Variants in EEF2K observed in about 807,000 individuals in gnomAD.
The protein encoded by EEF2K is eukaryotic elongation factor 2 kinase, also known as alternative protein EEF2K.
EEF2K carries 70 observed loss-of-function variants against 93.8 expected under a neutral mutation model. The ratio of observed to expected loss-of-function variants is 0.75; its 90% CI spans 0.62 to 0.91. The LOEUF (loss-of-function observed/expected upper bound fraction) is 0.91. Ranked by LOEUF, EEF2K falls within the 40% of genes least tolerant of loss-of-function variation. The pLI is 0.00. For missense variants in EEF2K, 935 were observed against 972.9 expected (o/e 0.96, Z 0.52); for synonymous variants, 376 against 380.8 (o/e 0.99, Z 0.15).
chr16:22,209,083 C>T (rs1419089203), intron 1 of EEF2K, among the ~76,000 whole-genome samples: 1 of 152,176 alleles, frequency 6.6e-6, no homozygotes, highest in Non-Finnish European at 1.5e-5. Context: ...GGCTGGAGTG[C>T]AGTAGTGTGA....
intron 11 of EEF2K, 114 bp downstream of exon 11, chr16:22,260,643 C>T: frequency 7.7e-7 from 1 of 1,291,536 alleles, no homozygotes; most frequent in Non-Finnish European, 1.1e-6. Flanking sequence ...CCAGGCACTG[C>T]CAGGAGGGCA....
chr16:22,263,274 G>A, intron 12 of EEF2K, 87 bp downstream of exon 12: 1 of 1,209,802 alleles, frequency 8.3e-7, no homozygotes, highest in Non-Finnish European at 1.2e-6. Flanking sequence ...CCTGGAGGGG[G>A]AATATGAGTG....
intron 1 of EEF2K, among the ~76,000 whole-genome samples, chr16:22,222,679 C>T (rs1487420604): frequency 6.9e-6 from 1 of 145,224 alleles, no homozygotes; most frequent in Non-Finnish European, 1.5e-5. Flanking sequence ...AACAGCCTGG[C>T]CAACATGGTG....
Position 22,225,698 on chromosome 16 carries a change from T to A in EEF2K, c.-32T>A, listed in dbSNP as rs1355271000. ...GTCCAGTAACTCTGGCTGTGCCGGATACTGCTTGGGTAAAACGGGCACCCC... is the reference window on the plus strand; with the variant it reads ...GTCCAGTAACTCTGGCTGTGCCGGAAACTGCTTGGGTAAAACGGGCACCCC... On this transcript the variant is annotated 5_prime_UTR_variant, in exon 2 of 18. Coordinates refer to ENST00000263026, the MANE Select transcript of EEF2K (RefSeq NM_013302.5). The A allele has an allele frequency of 1.2e-6, 2 of 1,608,882 alleles. No homozygotes were observed. The highest frequency in any genetic ancestry group is 2.7e-5 in the African/African-American group (2 of 74,792).
chr16:22,211,308 C>T (rs534752514), intron 1 of EEF2K, among the ~76,000 whole-genome samples: 3 of 152,296 alleles, frequency 2.0e-5, no homozygotes, highest in Non-Finnish European at 4.4e-5. Flanking sequence ...ATCCCAAAGG[C>T]CTTGTTTGGC....
chr16:22,208,125 G>A (rs1352564042), intron 1 of EEF2K, among the ~76,000 whole-genome samples: 1 of 152,182 alleles, frequency 6.6e-6, no homozygotes, highest in African/African-American at 2.4e-5. Flanking sequence ...AGAAGGGGGT[G>A]GGGTCCGAAG....
At chr16:22,234,242 T>C (rs1330352543) in intron 2 of EEF2K, among the ~76,000 whole-genome samples, 2 of 152,186 alleles carry the variant, frequency 1.3e-5, no homozygotes, top group African/African-American at 2.4e-5. Context: ...TGGCCAACTT[T>C]GGTGATTACA....
intron 1 of EEF2K, among the ~76,000 whole-genome samples, chr16:22,212,528 G>A (rs2046924651): frequency 1.3e-5 from 2 of 152,030 alleles, no homozygotes; most frequent in Admixed American, 6.6e-5. Flanking sequence ...TTTTCACCAT[G>A]TTGGTCAGGT....
intron 6 of EEF2K, among the ~76,000 whole-genome samples, chr16:22,254,677 C>T (rs749714171): frequency 1.3e-5 from 2 of 152,136 alleles, no homozygotes; most frequent in African/African-American, 2.4e-5. Context: ...AAAAAAAATT[C>T]GGCAAGGAAT....
chr16:22,226,322 GTTCTTTTT>G (rs1471612550), intron 2 of EEF2K, among the ~76,000 whole-genome samples: 2 of 93,618 alleles, frequency 2.1e-5, no homozygotes, highest in Non-Finnish European at 4.1e-5. Context: ...CAGAGGTGCT[GTTCTTTTT>G]TTTTTTTTTT....
chr16:22,269,614 C>A (rs1486886223), intron 15 of EEF2K, among the ~76,000 whole-genome samples: 1 of 152,016 alleles, frequency 6.6e-6, no homozygotes, highest in Admixed American at 6.6e-5. Flanking sequence ...GTTGGCCAGG[C>A]TGGTCTTGAA....
rs140822355 is a variant in EEF2K, at chr16:22,266,449, G to A, written c.1500G>A (p.Ser500=). 314 of 1,614,124 alleles carry A rather than the reference G, an allele frequency of 1.9e-4. No individual in the cohort carries two copies. The highest frequency in any genetic ancestry group is 2.5e-4 in the Non-Finnish European group (296 of 1,180,020). Residue 500 remains serine, a synonymous_variant, in exon 14 of 18, where the codon TCG becomes TCA. Transcript: ENST00000263026. The part of the protein sequence containing the change: ...NSSRLHLPRA[S]AVALEVQRLN... Reference sequence around the variant, plus strand: ...CCCGCCTCCACCTGCCGAGGGCTTCGGCCGTGGCCCTGGAAGTGCAAAGGC... The same window carrying A: ...CCCGCCTCCACCTGCCGAGGGCTTCAGCCGTGGCCCTGGAAGTGCAAAGGC...
chr16:22,273,671 G>T lies in EEF2K; in HGVS notation c.1810G>T (p.Ala604Ser). ...KTKGFDYLLKAAEAGDRQSMI... is the reference protein window; with the variant it reads ...KTKGFDYLLKSAEAGDRQSMI... The stretch of plus-strand genomic sequence containing the variant: ...CAAAGGATTTGATTACTTACTAAAG[G>T]CCGCTGAAGCTGGCGACAGGCAGTC... The change falls in exon 16 of 18, where the codon GCC becomes TCC. Residue 604 changes from alanine to serine, a missense_variant. Ala to Ser is a moderately conservative substitution (Grantham distance 99). Transcript: ENST00000263026. 1.2e-6 allele frequency: 2 copies of T among 1,614,154 alleles called. No individual in the cohort carries two copies. The highest frequency in any genetic ancestry group is 1.7e-6 in the Non-Finnish European group (2 of 1,180,028).
chr16:22,263,688 G>A (rs2047489114), intron 12 of EEF2K, among the ~76,000 whole-genome samples: 1 of 152,190 alleles, frequency 6.6e-6, no homozygotes, highest in Admixed American at 6.5e-5. Flanking sequence ...CCAGTAACGG[G>A]GCAAGTGTGG....
chr16:22,238,082 G>C (rs2047184822), intron 2 of EEF2K, among the ~76,000 whole-genome samples: 1 of 152,160 alleles, frequency 6.6e-6, no homozygotes, highest in South Asian at 2.1e-4. Flanking sequence ...CTGAGGCCAG[G>C]AGTTCAAGAC....
chr16:22,220,609 A>C (rs1057081455), intron 1 of EEF2K, among the ~76,000 whole-genome samples: 1 of 152,036 alleles, frequency 6.6e-6, no homozygotes, highest in African/African-American at 2.4e-5. Context: ...ACGCCCGGCT[A>C]ATTTTTGTAT....
At chr16:22,212,815 T>A (rs1461300743) in intron 1 of EEF2K, among the ~76,000 whole-genome samples, 5 of 151,794 alleles carry the variant, frequency 3.3e-5, no homozygotes, top group Non-Finnish European at 7.4e-5. Flanking sequence ...CTACAAAAAA[T>A]TTTTTAAAAT....
chr16:22,252,878 G>GT (rs2047364667), intron 6 of EEF2K, among the ~76,000 whole-genome samples: 1 of 152,088 alleles, frequency 6.6e-6, no homozygotes, highest in African/African-American at 2.4e-5. Flanking sequence ...ATCAGATCTC[G>GT]TGAGACTTAT....
At chr16:22,256,343 A>G (rs565529964) in intron 6 of EEF2K, among the ~76,000 whole-genome samples, 1 of 151,996 alleles carries the variant, frequency 6.6e-6, no homozygotes, top group South Asian at 2.1e-4. Context: ...GGTGATCCAC[A>G]CACCTTGGCC....
Sources: allele counts gnomAD v4.1 joint callset (sites outside exome capture counted in the v4.1 genomes callset), GRCh38; gene constraint gnomAD v4.1.1; transcripts MANE v1.5; gene names NCBI Gene and HGNC (gene_info 2026-07-23, HGNC 2026-07-21).